PXDNL: variants seen among roughly 807,000 people sequenced by gnomAD.
PXDNL encodes the protein peroxidasin like.
PXDNL carries 145 observed loss-of-function variants against 150.8 expected under a neutral mutation model. The observed-to-expected ratio is 0.96, with a 90% CI of 0.84 to 1.10. The LOEUF (loss-of-function observed/expected upper bound fraction) is 1.10, where lower values mean the gene tolerates loss of function less well. Among genes scored for constraint, PXDNL ranks in the 50% least tolerant of loss-of-function variants. PXDNL has a pLI of 0.00. For synonymous variants in PXDNL, 757 were observed against 725.7 expected (o/e 1.04, Z -0.69); for missense variants, 2,087 against 1,873.9 (o/e 1.11, Z -2.10).
intron 17 of PXDNL, among the ~76,000 whole-genome samples, chr8:51,391,874 C>T (rs1807922152): frequency 6.6e-6 from 1 of 152,080 alleles, no homozygotes; most frequent in Non-Finnish European, 1.5e-5. Context: ...GGTTTTAGGT[C>T]TAATGTTTAA....
Position 51,342,703 on chromosome 8 carries a change from G to T in PXDNL, c.4017-2950C>A, listed in dbSNP as rs570253143. On this transcript the variant is annotated intron_variant, in intron 20 of 22. Coordinates refer to ENST00000356297, the MANE Select transcript of PXDNL (RefSeq NM_144651.5). ...TCCATGTAGTTAGTGCCTGCTCTGCGCAGGCAGGAGTCGAAGTGCTAGCGT... is the reference window on the plus strand; with the variant it reads ...TCCATGTAGTTAGTGCCTGCTCTGCTCAGGCAGGAGTCGAAGTGCTAGCGT... 1.1e-3 allele frequency among the ~76,000 whole-genome samples: 162 copies of T among 152,232 alleles called. 2 individuals carry two copies. Among genetic ancestry groups the T allele is most frequent in the African/African-American group, 3.8e-3 (159 of 41,528 alleles).
intron 1 of PXDNL, among the ~76,000 whole-genome samples, chr8:51,788,041 A>G (rs1215855163): frequency 6.6e-6 from 1 of 152,248 alleles, no homozygotes; most frequent in Non-Finnish European, 1.5e-5. Context: ...AAGTGTTTTC[A>G]AATTAAGCTG....
intron 21 of PXDNL, among the ~76,000 whole-genome samples, chr8:51,326,527 G>A (rs545663778): frequency 1.3e-5 from 2 of 152,140 alleles, no homozygotes; most frequent in East Asian, 1.9e-4. Context: ...AAAATAAGCA[G>A]GAGGCAAAAA....
chr8:51,628,330 C>CTTCT (rs139162253), intron 2 of PXDNL, among the ~76,000 whole-genome samples: 35,842 of 146,668 alleles, frequency 0.24, 4,886 homozygotes, highest in African/African-American at 0.39. Flanking sequence ...CTTCTCTCTT[C>CTTCT]TTCTTTATTT....
chr8:51,441,770 T>C (rs2129888229), intron 12 of PXDNL, among the ~76,000 whole-genome samples: 1 of 152,274 alleles, frequency 6.6e-6, no homozygotes, highest in South Asian at 2.1e-4. Flanking sequence ...TGTAGGACTG[T>C]CCATTGAATG....
intron 2 of PXDNL, among the ~76,000 whole-genome samples, chr8:51,638,353 T>A (rs1325685754): frequency 1.1e-4 from 16 of 152,112 alleles, no homozygotes; most frequent in Non-Finnish European, 1.8e-4. Context: ...CATAACAATA[T>A]TAACCTTCAA....
At chr8:51,626,977 A>G (rs1814374964) in intron 2 of PXDNL, among the ~76,000 whole-genome samples, 1 of 152,166 alleles carries the variant, frequency 6.6e-6, no homozygotes, top group African/African-American at 2.4e-5. Flanking sequence ...CTTATATTGA[A>G]TCCATATTTT....
intron 1 of PXDNL, among the ~76,000 whole-genome samples, chr8:51,720,971 T>C (rs923046032): frequency 6.6e-6 from 1 of 152,168 alleles, no homozygotes; most frequent in African/African-American, 2.4e-5. Context: ...CCCAAAGCTG[T>C]CCCACCACGG....
At chr8:51,578,045 GGAAGGAAA>G (rs1335581151) in intron 3 of PXDNL, among the ~76,000 whole-genome samples, 17 of 100,486 alleles carry the variant, frequency 1.7e-4, no homozygotes, top group East Asian at 2.4e-4. Flanking sequence ...AAGGAAGGAA[GGAAGGAAA>G]GAAAGAAAGG....
intron 3 of PXDNL, among the ~76,000 whole-genome samples, chr8:51,563,619 A>T (rs1412765183): frequency 6.6e-6 from 1 of 151,968 alleles, no homozygotes; most frequent in Non-Finnish European, 1.5e-5. Flanking sequence ...AATTTACCCA[A>T]ATTGGGCCAA....
chr8:51,633,727 T>C (rs1160982998), intron 2 of PXDNL, among the ~76,000 whole-genome samples: 1 of 152,200 alleles, frequency 6.6e-6, no homozygotes, highest in Non-Finnish European at 1.5e-5. Context: ...ATTTCTCAGA[T>C]GATTAGTGAC....
intron 18 of PXDNL, among the ~76,000 whole-genome samples, chr8:51,374,302 G>A (rs1163347981): frequency 2.0e-5 from 3 of 152,116 alleles, no homozygotes; most frequent in African/African-American, 7.2e-5. Flanking sequence ...AGCTGTAAGT[G>A]GTGAGACTCA....
In PXDNL at chr8:51,411,856, C is replaced by A. The variant is rs558470293; in HGVS notation, c.1905-449G>T. On this transcript the variant is annotated intron_variant, in intron 15 of 22. Coordinates refer to ENST00000356297, the MANE Select transcript of PXDNL (RefSeq NM_144651.5). Reference sequence around the variant, plus strand: ...CCTTTAGAATCCTCCTCAGGCCTCACTCTCCCTGTAGAGTTTCACTGAGAG... The same window carrying A: ...CCTTTAGAATCCTCCTCAGGCCTCAATCTCCCTGTAGAGTTTCACTGAGAG... Among the ~76,000 whole-genome samples, 8 of 152,294 alleles carry A rather than the reference C, an allele frequency of 5.3e-5. No individual in the cohort carries two copies. The East Asian group carries it at 1.4e-3, about 26-fold the overall frequency.
rs1460817763 is a variant in PXDNL, at chr8:51,354,611, A to T, written c.3902-8664T>A. On this transcript the variant is annotated intron_variant, in intron 19 of 22. Coordinates refer to ENST00000356297, the MANE Select transcript of PXDNL (RefSeq NM_144651.5). ...TATCTAACGGGAAAATACTAAGAGG[A>T]ACATATCTGATGGGAAAATACCAAG... Among the ~76,000 whole-genome samples, 3 of 152,118 alleles carry T rather than the reference A, an allele frequency of 2.0e-5. No individual in the cohort carries two copies. The East Asian group carries it at 5.8e-4, about 29-fold the overall frequency.
intron 5 of PXDNL, among the ~76,000 whole-genome samples, chr8:51,486,952 G>A (rs13277264): frequency 0.66 from 99,608 of 150,118 alleles, 35,476 homozygotes; most frequent in Non-Finnish European, 0.8. Context: ...ATGCCACCCC[G>A]CCCAGCTAAT....
At chr8:51,403,207 G>A (rs565687841) in intron 17 of PXDNL, among the ~76,000 whole-genome samples, 1 of 151,492 alleles carries the variant, frequency 6.6e-6, no homozygotes, top group Non-Finnish European at 1.5e-5. Flanking sequence ...AATAAAATAA[G>A]CTCTTTAAAA....
intron 12 of PXDNL, among the ~76,000 whole-genome samples, chr8:51,436,769 C>G (rs977869505): frequency 6.6e-6 from 1 of 152,046 alleles, no homozygotes; most frequent in South Asian, 2.1e-4. Context: ...AGGGCACAAA[C>G]AGACAATCTA....
chr8:51,718,829 A>T (rs773392637), intron 1 of PXDNL, among the ~76,000 whole-genome samples: 11 of 152,090 alleles, frequency 7.2e-5, no homozygotes, highest in African/African-American at 1.2e-4. Context: ...TCCTCCACTG[A>T]TTTTACACTT....
At chr8:51,641,550 T>C (rs1814755440) in intron 2 of PXDNL, among the ~76,000 whole-genome samples, 1 of 151,996 alleles carries the variant, frequency 6.6e-6, no homozygotes. Context: ...GCGAAGGACA[T>C]GAACAGACAC....
Sources: gnomAD v4.1 joint callset for allele counts (sites outside exome capture counted in the v4.1 genomes callset) on GRCh38, gnomAD v4.1.1 for gene constraint, MANE v1.5 for transcripts, NCBI Gene and HGNC (gene_info 2026-07-23, HGNC 2026-07-21) for gene names.